Variants in SLC2A9 observed in about 807,000 individuals in gnomAD.
SLC2A9 encodes solute carrier family 2 member 9.
SLC2A9 carries 39 observed loss-of-function variants against 50.6 expected under a neutral mutation model. The observed-to-expected ratio is 0.77, with a 90% CI of 0.60 to 1.01. The LOEUF is 1.01. SLC2A9 is among the 50% of genes least tolerant of loss of function. The pLI is 0.00. For synonymous variants in SLC2A9, 324 were observed against 276.9 expected (o/e 1.17, Z -1.69); for missense variants, 686 against 677.6 (o/e 1.01, Z -0.14).
At chr4:9,841,600 T>C (rs1003034800) in intron 10 of SLC2A9, among the ~76,000 whole-genome samples, 8 of 152,118 alleles carry the variant, frequency 5.3e-5, no homozygotes, top group Non-Finnish European at 1.0e-4. Flanking sequence ...TTTCAGTAAG[T>C]TTTCAATAAA....
intron 5 of SLC2A9, among the ~76,000 whole-genome samples, chr4:9,943,026 T>G (rs6449144): frequency 0.75 from 114,709 of 152,174 alleles, 44,543 homozygotes; most frequent in African/African-American, 0.94. Flanking sequence ...CCATGGGAAG[T>G]TACCCTCAGG....
chr4:9,899,751 T>C (rs575754519), intron 8 of SLC2A9, among the ~76,000 whole-genome samples: 46 of 152,256 alleles, frequency 3.0e-4, no homozygotes, highest in African/African-American at 1.1e-3. Context: ...GATCTCTAAG[T>C]ATAACAAATT....
chr4:10,014,559 G>A (rs1199884107), intron 2 of SLC2A9, among the ~76,000 whole-genome samples: 1 of 152,066 alleles, frequency 6.6e-6, no homozygotes, highest in Non-Finnish European at 1.5e-5. Context: ...CACCCCACTG[G>A]ACCCCACATC....
chr4:9,867,341 G>A (rs568215154), intron 10 of SLC2A9, among the ~76,000 whole-genome samples: 16 of 152,336 alleles, frequency 1.1e-4, no homozygotes, highest in South Asian at 2.1e-4. Flanking sequence ...CTGCAGCCAT[G>A]TGGGTTTCTC....
intron 10 of SLC2A9, among the ~76,000 whole-genome samples, chr4:9,844,321 A>T (rs1029513220): frequency 3.3e-5 from 5 of 151,974 alleles, no homozygotes; most frequent in African/African-American, 1.2e-4. Context: ...CCTTCTTGCC[A>T]GGAAAATAGA....
At chr4:9,879,244 T>C (rs1367118536) in intron 10 of SLC2A9, 3 of 985,366 alleles carry the variant, frequency 3.0e-6, no homozygotes, top group Non-Finnish European at 3.6e-6. Context: ...AGTCTCAAGA[T>C]GCAGTATGAG....
chr4:9,892,032 C>A (rs1379537320), intron 8 of SLC2A9, among the ~76,000 whole-genome samples: 1 of 152,236 alleles, frequency 6.6e-6, no homozygotes, highest in Non-Finnish European at 1.5e-5. Context: ...GCAGGGACCC[C>A]AGTGCCCTCT....
At chr4:9,940,804 C>A (rs568449236) in intron 6 of SLC2A9, among the ~76,000 whole-genome samples, 5 of 152,196 alleles carry the variant, frequency 3.3e-5, no homozygotes, top group Admixed American at 2.6e-4. Flanking sequence ...TCAGAAAATA[C>A]TTAGGTAGTG....
chr4:9,777,242 A>T (rs1195584904), downstream of SLC2A9, among the ~76,000 whole-genome samples: 4 of 151,622 alleles, frequency 2.6e-5, no homozygotes, highest in Non-Finnish European at 5.9e-5. Context: ...CCTAGCTGAA[A>T]TGGCAATCTT....
intron 5 of SLC2A9, among the ~76,000 whole-genome samples, chr4:9,974,518 G>GT (rs1553898355): frequency 1.5e-5 from 1 of 68,028 alleles, no homozygotes; most frequent in Non-Finnish European, 4.0e-5. Context: ...TATAATAGCT[G>GT]CCAAAAAAAA....
At chr4:9,885,523 C>T (rs1401100601) in intron 10 of SLC2A9, among the ~76,000 whole-genome samples, 1 of 152,228 alleles carries the variant, frequency 6.6e-6, no homozygotes, top group Non-Finnish European at 1.5e-5. Context: ...TTTTGAAAAA[C>T]CCTGCTGCCA....
At chr4:9,936,364 A>T (rs971306617) in intron 6 of SLC2A9, among the ~76,000 whole-genome samples, 1 of 152,214 alleles carries the variant, frequency 6.6e-6, no homozygotes, top group African/African-American at 2.4e-5. Context: ...CCTGAGTCAC[A>T]CAGCTGTGGT....
At chr4:9,835,916 A>G (rs1486752152) in intron 10 of SLC2A9, among the ~76,000 whole-genome samples, 6 of 151,846 alleles carry the variant, frequency 4.0e-5, no homozygotes, top group African/African-American at 1.5e-4. Flanking sequence ...GTGAAACCCC[A>G]TCTCTACTAA....
chr4:9,880,599 C>CA, intron 10 of SLC2A9: 1 of 983,552 alleles, frequency 1.0e-6, no homozygotes, highest in Non-Finnish European at 1.2e-6. Context: ...CAAAGAACTT[C>CA]AGGCAGATAT....
chr4:9,910,875 A>G (rs1414619013), intron 7 of SLC2A9, among the ~76,000 whole-genome samples: 1 of 152,294 alleles, frequency 6.6e-6, no homozygotes, highest in East Asian at 1.9e-4. Context: ...GGAAACCATC[A>G]TTCTCAGCAA....
chr4:10,029,462 T>G (rs1393058307), intron 1 of SLC2A9, among the ~76,000 whole-genome samples: 3 of 152,170 alleles, frequency 2.0e-5, no homozygotes, highest in Non-Finnish European at 4.4e-5. Context: ...CCAGGGGTTC[T>G]TACCCTGGCT....
intron 5 of SLC2A9, among the ~76,000 whole-genome samples, chr4:9,969,433 T>C (rs1753548395): frequency 6.6e-6 from 1 of 152,230 alleles, no homozygotes; most frequent in East Asian, 1.9e-4. Flanking sequence ...TCTCTAAAGT[T>C]ATCTGCAATT....
intron 10 of SLC2A9, among the ~76,000 whole-genome samples, chr4:9,874,711 C>T (rs562962995): frequency 6.6e-6 from 1 of 152,352 alleles, no homozygotes; most frequent in South Asian, 2.1e-4. Context: ...GGCTGGGAGA[C>T]CTCACATCCC....
intron 2 of SLC2A9, among the ~76,000 whole-genome samples, chr4:10,007,430 A>G (rs1356609569): frequency 2.0e-5 from 3 of 152,228 alleles, no homozygotes; most frequent in Non-Finnish European, 4.4e-5. Context: ...CATCAATTAC[A>G]AGCAACAGCC....
Sources: allele counts gnomAD v4.1 joint callset (sites outside exome capture counted in the v4.1 genomes callset), GRCh38; gene constraint gnomAD v4.1.1; transcripts MANE v1.5; gene names NCBI Gene and HGNC (gene_info 2026-07-23, HGNC 2026-07-21).